TACC2: variants seen among roughly 807,000 people sequenced by gnomAD.
TACC2 encodes the protein transforming acidic coiled-coil containing protein 2, also known as transforming acidic coiled-coil-containing protein 2.
In TACC2, 137 loss-of-function variants were observed where a neutral mutation model predicts 227.3. That is an observed-to-expected ratio of 0.60 (90% CI 0.52 to 0.69). The LOEUF (loss-of-function observed/expected upper bound fraction) is 0.69, where lower values mean the gene tolerates loss of function less well. Among genes scored for constraint, TACC2 ranks in the 30% least tolerant of loss-of-function variants. TACC2 has a pLI of 0.00. For synonymous variants in TACC2, 1,523 were observed against 1,487.5 expected, an observed-to-expected ratio of 1.02 and a Z score of -0.55; for missense variants, 3,470 against 3,694.4, an observed-to-expected ratio of 0.94 and a Z score of 1.57.
At chr10:122,056,280 T>A (rs1232673309) in intron 3 of TACC2, among the ~76,000 whole-genome samples, 1 of 152,246 alleles carries the variant, frequency 6.6e-6, no homozygotes, top group Non-Finnish European at 1.5e-5. Context: ...GTTCTAGCGT[T>A]TCTCCTGCCT....
rs146365438 is a variant in TACC2 at position 122,248,732 on chromosome 10, G to A, written c.8482G>A (p.Val2828Met). 125 of 1,614,058 alleles carry A rather than the reference G, an allele frequency of 7.7e-5. 1 individual carries two copies. Among genetic ancestry groups the A allele is most frequent in the Middle Eastern group, 1.6e-4 (1 of 6,070 alleles). Residue 2828 changes from valine to methionine, a missense_variant, in exon 20 of 23, where the codon GTG (valine) becomes ATG (methionine). Physicochemically the swap from Val to Met is conservative, Grantham distance 21. This residue lies in a region of TACC2 where 65 missense variants were observed against 119.3 expected (regional missense o/e 0.54). Coordinates refer to ENST00000369005, the MANE Select transcript of TACC2 (RefSeq NM_206862.4). ...GCAAGCCCTGGCCGACCTGAACTCCGTGGAGAAGTCTCTGGCCGACCTCTT... is the reference window on the plus strand; with the variant it reads ...GCAAGCCCTGGCCGACCTGAACTCCATGGAGAAGTCTCTGGCCGACCTCTT... The part of the protein sequence containing the change: ...KEQALADLNS[V>M]EKSLADLFRR...
intron 2 of TACC2, among the ~76,000 whole-genome samples, chr10:122,042,386 G>A (rs2074409480): frequency 6.6e-6 from 1 of 152,114 alleles, no homozygotes; most frequent in Non-Finnish European, 1.5e-5. Flanking sequence ...GGGATTACAG[G>A]TCCCTGCCAC....
intron 1 of TACC2, among the ~76,000 whole-genome samples, chr10:122,012,687 G>A (rs1956096929): frequency 1.3e-5 from 2 of 151,522 alleles, no homozygotes; most frequent in South Asian, 2.1e-4. Flanking sequence ...CTTAAGCCTG[G>A]GGGAGCAAAG....
intron 2 of TACC2, among the ~76,000 whole-genome samples, chr10:122,044,500 C>T (rs1307484981): frequency 6.6e-6 from 1 of 152,174 alleles, no homozygotes; most frequent in Non-Finnish European, 1.5e-5. Flanking sequence ...GACCTTTGGT[C>T]TGCTTCCCAG....
intron 7 of TACC2, among the ~76,000 whole-genome samples, chr10:122,175,381 A>G (rs2093651013): frequency 6.6e-6 from 1 of 152,214 alleles, no homozygotes; most frequent in African/African-American, 2.4e-5. Context: ...GAAAGGATAC[A>G]TTAGTTATCA....
At chr10:122,204,916 C>T (rs74159089) in intron 8 of TACC2, among the ~76,000 whole-genome samples, 3,095 of 152,192 alleles carry the variant, frequency 0.02, 120 homozygotes, top group African/African-American at 0.071. Context: ...GAACCGCCCG[C>T]ACAGCACAGT....
chr10:122,112,497 C>CT (rs2083779306), intron 5 of TACC2, among the ~76,000 whole-genome samples: 1 of 152,202 alleles, frequency 6.6e-6, no homozygotes, highest in African/African-American at 2.4e-5. Flanking sequence ...GGTTAAGCGC[C>CT]ATTAATACCA....
Position 122,083,963 on chromosome 10 carries a change from A to T in TACC2, c.1463A>T (p.Glu488Val). 6.2e-7 allele frequency: 1 copy of T among 1,614,002 alleles called. No individual in the cohort carries two copies. Among genetic ancestry groups the T allele is most frequent in the Non-Finnish European group, 8.5e-7 (1 of 1,179,988 alleles). ...KGEHPEGDPGEVPAPSPQERG... is the reference protein window; with the variant it reads ...KGEHPEGDPGVVPAPSPQERG... ...GAGCATCCAGAAGGGGACCCTGGAGAGGTTCCTGCCCCATCACCCCAGGAG... is the reference window on the plus strand; with the variant it reads ...GAGCATCCAGAAGGGGACCCTGGAGTGGTTCCTGCCCCATCACCCCAGGAG... The change falls in exon 4 of 23, where the codon GAG becomes GTG. Residue 488 changes from glutamate to valine, a missense_variant. Transcript: ENST00000369005.
chr10:122,086,883 C>T lies in TACC2; in HGVS notation c.4383C>T (p.Thr1461=), dbSNP rs948626847. ...ATGGGCCTCCAGGAGTGGATGTCAC[C>T]CTTCTCCCTGCACCTCCTGCTCGAC... ...LLDGPPGVDV[T]LLPAPPARLQ... Residue 1461 remains threonine (T), a synonymous_variant, in exon 4 of 23, where the codon ACC becomes ACT. Coordinates refer to ENST00000369005, the MANE Select transcript of TACC2 (RefSeq NM_206862.4). The T allele has an allele frequency of 1.2e-6, 2 of 1,613,914 alleles. No homozygotes were observed. The highest frequency in any genetic ancestry group is 1.1e-5 in the South Asian group (1 of 91,074).
chr10:122,177,732 G>A (rs911549789), intron 7 of TACC2, among the ~76,000 whole-genome samples: 1 of 152,184 alleles, frequency 6.6e-6, no homozygotes, highest in African/African-American at 2.4e-5. Context: ...GTCGCAGAAA[G>A]AATTGGGAGT....
chr10:122,085,865 A>T lies in TACC2; in HGVS notation c.3365A>T (p.Glu1122Val). ...CTTGCAAGTTTCCCATCAGCTGGGG[A>T]GCAAGGTGGTGAAGCCGGGGCTGCT... Reference protein sequence around the residue: ...KLLASFPSAGEQGGEAGAAET... With the variant: ...KLLASFPSAGVQGGEAGAAET... Residue 1122 changes from glutamate (E) to valine (V), a missense_variant, in exon 4 of 23, where the codon GAG becomes GTG. By Grantham distance (121) the Glu-to-Val change is moderately radical. This residue lies in a region of TACC2 where 1,924 missense variants were observed against 1,978.3 expected (regional missense o/e 0.97). Transcript: ENST00000369005. The T allele has an allele frequency of 6.2e-7, 1 of 1,613,240 alleles. No individual in the cohort carries two copies. The highest frequency in any genetic ancestry group is 8.5e-7 in the Non-Finnish European group (1 of 1,179,644).
chr10:122,051,869 T>C (rs1225773008), intron 3 of TACC2: 1 of 149,168 alleles, frequency 6.7e-6, no homozygotes, highest in Non-Finnish European at 1.5e-5. Context: ...GCTTGGGCTA[T>C]GTGGCTTTCC....
In TACC2 at chr10:122,194,455, G is replaced by A. The variant is rs145073340; in HGVS notation, c.5835-585G>A. Among the ~76,000 whole-genome samples the A allele has an allele frequency of 6.6e-6, 1 of 152,238 alleles. No homozygotes were observed. The highest frequency in any genetic ancestry group is 1.9e-4 in the East Asian group (1 of 5,178). On this transcript the variant is annotated intron_variant, in intron 7 of 22. Transcript: ENST00000369005. The surrounding 1 kb of genome is among the most constrained non-coding windows in gnomAD (Gnocchi z 4.4). ...CCTGGCCGGCTTGCTGGCTTCCTTC[G>A]TTCACTCCATTCACCCACTCAACAC...
intron 8 of TACC2, among the ~76,000 whole-genome samples, chr10:122,196,446 T>G (rs1161799073): frequency 6.6e-6 from 1 of 152,084 alleles, no homozygotes; most frequent in Non-Finnish European, 1.5e-5. Context: ...GCTGAGTCAG[T>G]GTAGATGCCA....
At chr10:122,119,876 G>T (rs935865275) in intron 5 of TACC2, among the ~76,000 whole-genome samples, 1 of 151,742 alleles carries the variant, frequency 6.6e-6, no homozygotes, top group Non-Finnish European at 1.5e-5. Flanking sequence ...TCAAGATCGC[G>T]CTGCTGTACT....
intron 7 of TACC2, among the ~76,000 whole-genome samples, chr10:122,164,604 G>C (rs1565477314): frequency 6.6e-6 from 1 of 152,360 alleles, no homozygotes; most frequent in East Asian, 1.9e-4. Context: ...CTCAACCACA[G>C]AGCTAACGTG....
At position 122,248,821 on chromosome 10, in the gene TACC2, G is replaced by T. The variant is rs936200498; in HGVS notation, c.8553+18G>T. 1 of 1,613,870 alleles carries T rather than the reference G, an allele frequency of 6.2e-7. No individual in the cohort carries two copies. Among genetic ancestry groups the T allele is most frequent in the Non-Finnish European group, 8.5e-7 (1 of 1,179,892 alleles). ...TCCGCAAGGTAGGGCTGAGTTTGGG[G>T]GCCACGGAGGAGGAGGATCTGATTG... On this transcript the variant is annotated intron_variant, in intron 20 of 22. Transcript: ENST00000369005.
intron 2 of TACC2, among the ~76,000 whole-genome samples, chr10:122,035,376 T>A (rs906198173): frequency 6.6e-6 from 1 of 152,236 alleles, no homozygotes; most frequent in African/African-American, 2.4e-5. Context: ...AGGAGTCAGA[T>A]AAGCAAGTGA....
chr10:122,001,605 A>G (rs1402159291), intron 1 of TACC2, among the ~76,000 whole-genome samples: 1 of 152,238 alleles, frequency 6.6e-6, no homozygotes, highest in Non-Finnish European at 1.5e-5. Context: ...TATCCTTATC[A>G]TACAAAAAAT....
Sources: gnomAD v4.1 joint callset for allele counts (sites outside exome capture counted in the v4.1 genomes callset) on GRCh38, gnomAD v4.1.1 for gene constraint, gnomAD v4.1.1 regional missense constraint, Gnocchi (gnomAD v3.1) non-coding constraint, MANE v1.5 for transcripts, NCBI Gene and HGNC (gene_info 2026-07-23, HGNC 2026-07-21) for gene names.